The following ENY2 variants were observed in gnomAD, a reference collection of about 807,000 sequenced individuals.
ENY2 encodes transcription and mRNA export factor ENY2.
ENY2 carries 4 observed loss-of-function variants against 15.9 expected under a neutral mutation model. The observed-to-expected ratio is 0.25, with a 90% confidence interval of 0.12 to 0.57. The LOEUF (loss-of-function observed/expected upper bound fraction) is 0.57. ENY2 is among the 20% of genes least tolerant of loss of function. The pLI is 0.91. For missense variants in ENY2, 54 were observed against 117.2 expected, an observed-to-expected ratio of 0.46 and a Z score of 2.49; for synonymous variants, 48 against 38.0, an observed-to-expected ratio of 1.26 and a Z score of -0.97.
chr8:109,342,547 T>C (rs1200590367), intron 4 of ENY2: 1 of 453,478 alleles, frequency 2.2e-6, no homozygotes, highest in Non-Finnish European at 3.9e-6. Flanking sequence ...TCTTGCTCTG[T>C]CACCGAGGAT....
intron 4 of ENY2, chr8:109,342,632 C>T (rs529332607): frequency 1.5e-5 from 10 of 674,080 alleles, no homozygotes; most frequent in Middle Eastern, 3.8e-4. Flanking sequence ...CTCAGCTTCC[C>T]GAGTAGCTGA....
intron 2 of ENY2, among the ~76,000 whole-genome samples, chr8:109,338,063 G>A (rs1417334687): frequency 6.6e-6 from 1 of 152,170 alleles, no homozygotes; most frequent in East Asian, 1.9e-4. Context: ...TGGGGAGAAG[G>A]CAGATCATGA....
intron 2 of ENY2, 39 bp downstream of exon 2, chr8:109,336,243 C>A: frequency 1.3e-6 from 2 of 1,492,488 alleles, no homozygotes; most frequent in South Asian, 1.2e-5. Context: ...CATTTCACCG[C>A]CTTTAATAGT....
intron 4 of ENY2, among the ~76,000 whole-genome samples, chr8:109,342,272 G>A (rs974574085): frequency 1.6e-4 from 24 of 150,682 alleles, no homozygotes; most frequent in African/African-American, 4.9e-4. Flanking sequence ...TACTAGCTCG[G>A]AGTGTATATA....
chr8:109,334,423 C>A lies in ENY2; in HGVS notation c.-46C>A, dbSNP rs1456854756. 11 of 1,613,780 alleles carry A rather than the reference C, an allele frequency of 6.8e-6. No individual in the cohort carries two copies. The highest frequency in any genetic ancestry group is 6.7e-5 in the East Asian group (3 of 44,866). On this transcript the variant is annotated 5_prime_UTR_variant, in exon 1 of 5. Transcript: ENST00000521688. ...GTGTGGTAGGTAACGGTCCTCAGCGCAAGGGTCATTTCGTCGCTGGGAAGG... is the reference window on the plus strand; with the variant it reads ...GTGTGGTAGGTAACGGTCCTCAGCGAAAGGGTCATTTCGTCGCTGGGAAGG...
chr8:109,343,632 A>G lies in ENY2; in HGVS notation c.*151A>G, dbSNP rs1342261946. On this transcript the variant is annotated 3_prime_UTR_variant, in exon 5 of 5. Transcript: ENST00000521688. Reference sequence around the variant, plus strand: ...TACATTGTATTGATTTTTTTCCCTAAATGTGTTATTTTAATAAATATCTCA... The same window carrying G: ...TACATTGTATTGATTTTTTTCCCTAGATGTGTTATTTTAATAAATATCTCA... 3.5e-5 allele frequency: 19 copies of G among 550,100 alleles called. No homozygotes were observed. Among genetic ancestry groups the G allele is most frequent in the Non-Finnish European group, 4.9e-5 (16 of 329,298 alleles). 34.1% of individuals were successfully genotyped at this position (550,100 alleles called of 1,614,324 possible). A position where few individuals can be genotyped will look rare whatever the true frequency, so the allele number is the denominator to read the frequency against.
intron 1 of ENY2, chr8:109,334,925 C>G: frequency 6.3e-6 from 1 of 158,604 alleles, no homozygotes; most frequent in Non-Finnish European, 1.4e-5. Flanking sequence ...TCAACTTCTC[C>G]TTTTCCCTGT....
At chr8:109,336,589 C>G (rs1815990295) in intron 2 of ENY2, 1 of 163,192 alleles carries the variant, frequency 6.1e-6, no homozygotes, top group Non-Finnish European at 1.3e-5. Context: ...AACATTCTTC[C>G]TTCTCTTCCT....
At chr8:109,334,569 C>G (rs183151327) in intron 1 of ENY2, 95 bp downstream of exon 1, 161 of 1,458,522 alleles carry the variant, frequency 1.1e-4, no homozygotes, top group Admixed American at 2.5e-4. Flanking sequence ...GACCCGCGCT[C>G]GCGGGCCTGT....
intron 4 of ENY2, chr8:109,342,651 A>C: frequency 1.4e-6 from 1 of 690,384 alleles, no homozygotes; most frequent in East Asian, 2.8e-5. Flanking sequence ...GAGACCACAG[A>C]CACACACCAC....
intron 2 of ENY2, among the ~76,000 whole-genome samples, chr8:109,337,208 T>A (rs181742919): frequency 1.3e-4 from 19 of 151,924 alleles, no homozygotes; most frequent in African/African-American, 3.4e-4. Flanking sequence ...GGGTTGAAAA[T>A]GGAAAACTCC....
rs755851508 is a variant in ENY2 at position 109,339,337 on chromosome 8, G to A, written c.101G>A (p.Arg34Lys). Residue 34 changes from arginine (R) to lysine (K), a missense_variant, in exon 3 of 5, where the codon AGA becomes AAA. Arg to Lys is a conservative substitution (Grantham distance 26). Coordinates refer to ENST00000521688, the MANE Select transcript of ENY2 (RefSeq NM_020189.6). ...TTCAACAGCCTCAAAGAGTTGCTGA[G>A]AGCTAAATTAATTGAATGTGGCTGG... ...GERERLKELL[R>K]AKLIECGWKD... is the part of the protein sequence containing the mutation. 2 of 1,613,880 alleles carry A rather than the reference G, an allele frequency of 1.2e-6. No homozygotes were observed. Among genetic ancestry groups the A allele is most frequent in the Non-Finnish European group, 1.7e-6 (2 of 1,179,866 alleles).
intron 4 of ENY2, among the ~76,000 whole-genome samples, chr8:109,341,725 TAA>T (rs1204653138): frequency 6.6e-6 from 1 of 152,212 alleles, no homozygotes; most frequent in Non-Finnish European, 1.5e-5. Flanking sequence ...TTACTGTTGT[TAA>T]GAGAAGACAT....
Position 109,344,452 on chromosome 8 carries a change from C to CT in ENY2, c.*972dup, listed in dbSNP as rs1816190485. ...CAAATACAGGTTGATAAATGCTAAA[C>CT]TGTCTCCAAACCAGACTTCATCCTA... On this transcript the variant is annotated 3_prime_UTR_variant, in exon 5 of 5. Transcript: ENST00000521688. 1 of 152,262 alleles carries CT rather than the reference C, an allele frequency of 6.6e-6. No homozygotes were observed. The highest frequency in any genetic ancestry group is 6.5e-5 in the Admixed American group (1 of 15,278). The allele number at this position is 152,262 out of a possible 1,614,324, so 9.4% of individuals were successfully genotyped here.
At position 109,343,676 on chromosome 8, in the gene ENY2, G is replaced by T; in HGVS notation, c.*195G>T. 2.0e-6 allele frequency: 1 copy of T among 491,594 alleles called. No homozygotes were observed. The highest frequency in any genetic ancestry group is 3.5e-6 in the Non-Finnish European group (1 of 284,026). 30.5% of individuals were successfully genotyped at this position (491,594 alleles called of 1,614,324 possible). ...TATCTCATGAATGAGTTTGAAGTTT[G>T]CTTGGATTTTGAAATGAATGGGACT... On this transcript the variant is annotated 3_prime_UTR_variant, in exon 5 of 5. Coordinates refer to ENST00000521688, the MANE Select transcript of ENY2 (RefSeq NM_020189.6).
In ENY2 at chr8:109,344,392, G is replaced by T. The variant is rs911664138; in HGVS notation, c.*911G>T. Reference sequence around the variant, plus strand: ...CACTAACTGGATATACTTTTCCTGAGCAAATCCCAGGAAACTTGCGTCAGA... The same window carrying T: ...CACTAACTGGATATACTTTTCCTGATCAAATCCCAGGAAACTTGCGTCAGA... On this transcript the variant is annotated 3_prime_UTR_variant, in exon 5 of 5. Transcript: ENST00000521688. 2 of 152,102 alleles carry T rather than the reference G, an allele frequency of 1.3e-5. No individual in the cohort carries two copies. The highest frequency in any genetic ancestry group is 4.8e-5 in the African/African-American group (2 of 41,374). 9.4% of individuals were successfully genotyped at this position (152,102 alleles called of 1,614,324 possible).
intron 2 of ENY2, among the ~76,000 whole-genome samples, chr8:109,337,480 A>G (rs926324908): frequency 2.0e-5 from 3 of 152,178 alleles, no homozygotes; most frequent in Non-Finnish European, 4.4e-5. Context: ...CTTTGTTTTC[A>G]CAGAGCTTGC....
intron 1 of ENY2, chr8:109,335,855 T>C (rs1018437353): frequency 4.4e-6 from 1 of 229,654 alleles, no homozygotes; most frequent in Non-Finnish European, 8.4e-6. Context: ...AGTTTCCTCA[T>C]CAGTAAAATA....
intron 2 of ENY2, among the ~76,000 whole-genome samples, chr8:109,337,375 GT>G (rs1816009026): frequency 6.7e-6 from 1 of 150,102 alleles, no homozygotes; most frequent in Non-Finnish European, 1.5e-5. Context: ...TTTGTTGTTT[GT>G]TTTTGATTCA....
Sources: allele counts gnomAD v4.1 joint callset (sites outside exome capture counted in the v4.1 genomes callset), GRCh38; gene constraint gnomAD v4.1.1; transcripts MANE v1.5; gene names NCBI Gene and HGNC (gene_info 2026-07-23, HGNC 2026-07-21).